TMEM182: variants seen among roughly 807,000 people sequenced by gnomAD.
TMEM182 encodes transmembrane protein 182.
Under a neutral mutation model 26.8 loss-of-function variants are expected in TMEM182, and 20 were observed. That is an observed-to-expected ratio of 0.75 (90% confidence interval 0.53 to 1.09). The LOEUF is 1.09. Among genes scored for constraint, TMEM182 ranks in the 50% least tolerant of loss-of-function variants. The pLI, the probability that TMEM182 is intolerant of heterozygous loss-of-function variation, is 0.00. For synonymous variants in TMEM182, 109 were observed against 102.2 expected (o/e 1.07, Z -0.40); for missense variants, 277 against 275.5 (o/e 1.01, Z -0.04).
At chr2:102,801,501 G>A (rs571695804) in intron 4 of TMEM182, among the ~76,000 whole-genome samples, 5 of 152,132 alleles carry the variant, frequency 3.3e-5, no homozygotes, top group South Asian at 4.1e-4. Flanking sequence ...TGACCATTGC[G>A]GTGCAGCCCA....
chr2:102,821,996 A>G (rs2104767698), downstream of TMEM182, among the ~76,000 whole-genome samples: 1 of 152,164 alleles, frequency 6.6e-6, no homozygotes, highest in East Asian at 1.9e-4. Flanking sequence ...TCAAAAAAAA[A>G]AAAAAAATGC....
chr2:102,758,377 A>G (rs2104649612), upstream of TMEM182: 2 of 701,114 alleles, frequency 2.9e-6, no homozygotes. Flanking sequence ...AATGGCTGTT[A>G]AAATTCCTTA....
At chr2:102,806,426 T>TG (rs1682349545) in intron 4 of TMEM182, among the ~76,000 whole-genome samples, 1 of 152,094 alleles carries the variant, frequency 6.6e-6, no homozygotes, top group Non-Finnish European at 1.5e-5. Flanking sequence ...CATGGGACTG[T>TG]GGGGTGACTG....
At position 102,811,095 on chromosome 2, in the gene TMEM182, C is replaced by CTTTGTATTT. The variant is rs1254243045; in HGVS notation, c.470-3652_470-3644dup. On this transcript the variant is annotated intron_variant, in intron 4 of 4. Transcript: ENST00000412401. ...AAAAAAAAAAAAATTCTAAATCATG[C>CTTTGTATTT]TTTGTATTTAGTTGTTGCTTGAGTC... Among the ~76,000 whole-genome samples the CTTTGTATTT allele has an allele frequency of 8.0e-5, 11 of 137,588 alleles. No individual in the cohort carries two copies. In the East Asian group the frequency reaches 2.5e-3, roughly 32 times the overall value. 90.3% of individuals were successfully genotyped at this position (137,588 alleles called of 152,430 possible).
At chr2:102,837,959 A>T (rs1217706660) in intron 3 of TMEM182, among the ~76,000 whole-genome samples, 2 of 152,106 alleles carry the variant, frequency 1.3e-5, no homozygotes, top group Non-Finnish European at 2.9e-5. Flanking sequence ...AATTACTGAG[A>T]ATTTCAAGAC....
chr2:102,843,111 G>A (rs1025944701), intron 3 of TMEM182, among the ~76,000 whole-genome samples: 2 of 152,334 alleles, frequency 1.3e-5, no homozygotes, highest in African/African-American at 4.8e-5. Flanking sequence ...CTGTTGCCAT[G>A]GCTCCCCGAT....
chr2:102,822,768 GA>G (rs954898779), intron 3 of TMEM182, among the ~76,000 whole-genome samples: 3 of 152,160 alleles, frequency 2.0e-5, no homozygotes, highest in Admixed American at 2.0e-4. Context: ...AGAGGGCCAT[GA>G]AAAAAGTGGA....
intron 1 of TMEM182, among the ~76,000 whole-genome samples, chr2:102,741,050 C>A (rs1679526056): frequency 6.6e-6 from 1 of 152,112 alleles, no homozygotes; most frequent in Admixed American, 6.5e-5. Context: ...GGGAAGTTGC[C>A]ACTTCCATTA....
rs148059387 is a variant in TMEM182, at chr2:102,755,501, C to T, written c.-82-2888C>T. The stretch of plus-strand genomic sequence containing the variant: ...TCAGTTACATGAGAGTATTACCTCA[C>T]TGAGGCCAGAGAGCACATTCTAGTC... On this transcript the variant is annotated intron_variant, in intron 1 of 5. Coordinates refer to the TMEM182 transcript ENST00000409173. Among the ~76,000 whole-genome samples, 258 of 152,314 alleles carry T rather than the reference C, an allele frequency of 1.7e-3. 1 individual carries two copies. The highest frequency in any genetic ancestry group is 2.1e-3 in the Non-Finnish European group (146 of 68,028).
At chr2:102,753,143 T>C (rs151118147) in intron 1 of TMEM182, among the ~76,000 whole-genome samples, 5 of 152,350 alleles carry the variant, frequency 3.3e-5, no homozygotes, top group African/African-American at 1.2e-4. Flanking sequence ...AATGTTTTAC[T>C]GTGTGCTTAT....
chr2:102,808,170 T>G (rs1682417429), intron 4 of TMEM182, among the ~76,000 whole-genome samples: 1 of 152,154 alleles, frequency 6.6e-6, no homozygotes, highest in Admixed American at 6.5e-5. Context: ...AATTAAAGCC[T>G]AGAGATGCTC....
At chr2:102,820,963 G>A (rs1682904918), downstream of TMEM182, among the ~76,000 whole-genome samples, 1 of 152,172 alleles carries the variant, frequency 6.6e-6, no homozygotes, top group Non-Finnish European at 1.5e-5. Flanking sequence ...CATGGTTCAT[G>A]TTCATGGTGT....
chr2:102,802,836 T>C (rs146475082), intron 4 of TMEM182, among the ~76,000 whole-genome samples: 154 of 152,350 alleles, frequency 1.0e-3, no homozygotes, highest in African/African-American at 3.6e-3. Context: ...AGCCATAAAA[T>C]TTGATATCTT....
intron 4 of TMEM182, among the ~76,000 whole-genome samples, chr2:102,802,728 C>T (rs1431521758): frequency 1.3e-5 from 2 of 152,212 alleles, no homozygotes; most frequent in Non-Finnish European, 2.9e-5. Flanking sequence ...TGCAAAGCAA[C>T]ATCAACACAG....
chr2:102,822,205 A>C (rs144533888), downstream of TMEM182, among the ~76,000 whole-genome samples: 56 of 152,240 alleles, frequency 3.7e-4, no homozygotes, highest in African/African-American at 1.2e-3. Context: ...CACACTGGGG[A>C]GTCACAACAT....
chr2:102,775,880 A>T (rs545506988), intron 3 of TMEM182, among the ~76,000 whole-genome samples: 4 of 152,186 alleles, frequency 2.6e-5, no homozygotes, highest in Non-Finnish European at 4.4e-5. Flanking sequence ...AGTATTTTGC[A>T]GGTTTTAGCA....
intron 3 of TMEM182, among the ~76,000 whole-genome samples, chr2:102,773,777 G>A (rs1680783285): frequency 6.6e-6 from 1 of 152,118 alleles, no homozygotes; most frequent in African/African-American, 2.4e-5. Context: ...GAGATTTGAT[G>A]TATTCCAGAT....
chr2:102,772,552 C>T (rs922650662), intron 3 of TMEM182, among the ~76,000 whole-genome samples: 3 of 152,186 alleles, frequency 2.0e-5, no homozygotes, highest in Non-Finnish European at 4.4e-5. Context: ...GTCCTTCTTT[C>T]GGGGACTAGA....
downstream of TMEM182, among the ~76,000 whole-genome samples, chr2:102,819,403 C>T (rs935127584): frequency 2.6e-5 from 4 of 152,098 alleles, no homozygotes; most frequent in African/African-American, 9.7e-5. Context: ...GGAAATTTTT[C>T]TCAAAAACTT....
Sources: allele counts gnomAD v4.1 joint callset (sites outside exome capture counted in the v4.1 genomes callset), GRCh38; gene constraint gnomAD v4.1.1; transcripts MANE v1.5; gene names NCBI Gene and HGNC (gene_info 2026-07-23, HGNC 2026-07-21).